SYNJ2: variants seen among roughly 807,000 people sequenced by gnomAD.
The protein encoded by SYNJ2 is synaptojanin 2, also known as polyphosphatidylinositol phosphatase SYNJ2.
SYNJ2 carries 116 observed loss-of-function variants against 141.3 expected under a neutral mutation model. The observed-to-expected ratio is 0.82, with a 90% confidence interval of 0.71 to 0.96. The LOEUF is 0.96. Ranked by LOEUF, SYNJ2 falls within the 40% of genes least tolerant of loss-of-function variation. The probability of loss-of-function intolerance (pLI) is 0.00; values close to 1 mark genes in which losing one functional copy is unlikely to be tolerated. For synonymous variants in SYNJ2, 745 were observed against 777.7 expected, an observed-to-expected ratio of 0.96 and a Z score of 0.70; for missense variants, 1,873 against 1,934.8, an observed-to-expected ratio of 0.97 and a Z score of 0.60.
At chr6:158,061,669 C>A (rs1781228037) in intron 7 of SYNJ2, among the ~76,000 whole-genome samples, 1 of 139,020 alleles carries the variant, frequency 7.2e-6, no homozygotes, top group Non-Finnish European at 1.6e-5. Context: ...ACAGAGCAGT[C>A]CTTCCTCACC....
chr6:158,007,921 T>C (rs548240151), intron 1 of SYNJ2, among the ~76,000 whole-genome samples: 97 of 152,322 alleles, frequency 6.4e-4, no homozygotes, highest in South Asian at 1.2e-3. Flanking sequence ...CCCAAATAGC[T>C]GGGACCACAG....
rs1053333798 is a variant in SYNJ2 at position 157,995,424 on chromosome 6, C to T, written c.127+13336C>T. ...TGAAACTCCAGTTCCATCACATCCA[C>T]TCTGCTGGGCCCTCCTAGGGCAGCT... On this transcript the variant is annotated intron_variant, in intron 1 of 26. Coordinates refer to ENST00000355585, the MANE Select transcript of SYNJ2 (RefSeq NM_003898.4). Among the ~76,000 whole-genome samples the T allele has an allele frequency of 2.6e-5, 4 of 152,236 alleles. No homozygotes were observed. The East Asian group carries it at 5.8e-4, about 22-fold the overall frequency.
At chr6:158,022,933 C>A (rs1162929629) in intron 2 of SYNJ2, among the ~76,000 whole-genome samples, 5 of 152,162 alleles carry the variant, frequency 3.3e-5, no homozygotes, top group African/African-American at 1.2e-4. Flanking sequence ...GTGCTAGGCT[C>A]AAGCCAGGAC....
chr6:158,061,965 C>T, intron 7 of SYNJ2, 27 bp from the exon 8 acceptor site: 1 of 1,609,362 alleles, frequency 6.2e-7, no homozygotes, highest in Middle Eastern at 1.8e-4. Flanking sequence ...CTCTGCTCCC[C>T]TCACCGCCCT....
At chr6:158,019,398 C>A (rs1778639917) in intron 2 of SYNJ2, among the ~76,000 whole-genome samples, 1 of 152,240 alleles carries the variant, frequency 6.6e-6, no homozygotes. Flanking sequence ...TTCCCCCATC[C>A]CAGGGGAAAA....
intron 3 of SYNJ2, among the ~76,000 whole-genome samples, chr6:158,030,223 A>G (rs932416117): frequency 3.9e-5 from 6 of 152,256 alleles, no homozygotes; most frequent in Non-Finnish European, 2.9e-5. Context: ...ACTGATGCCT[A>G]GAGATGCCAG....
At position 158,071,884 on chromosome 6, in the gene SYNJ2, ACCACAGGGAGGG is replaced by A; in HGVS notation, c.2133+93_2133+104del. 7.0e-7 allele frequency: 1 copy of A among 1,436,882 alleles called. No individual in the cohort carries two copies. The highest frequency in any genetic ancestry group is 9.4e-7 in the Non-Finnish European group (1 of 1,065,848). 89.0% of individuals were successfully genotyped at this position (1,436,882 alleles called of 1,614,324 possible). A position where few individuals can be genotyped will look rare whatever the true frequency, so the allele number is the denominator to read the frequency against. On this transcript the variant is annotated intron_variant, in intron 15 of 26. Transcript: ENST00000355585. The surrounding 1 kb of genome is among the most constrained non-coding windows in gnomAD (Gnocchi z 4.3). Reference sequence around the variant, plus strand: ...ATAGGAGCCAGGCACTGGGGACACAACCACAGGGAGGGCCCCTTCCTGGAGGGCTCAGCGCTG... The same window carrying A: ...ATAGGAGCCAGGCACTGGGGACACAACCCCTTCCTGGAGGGCTCAGCGCTG...
At chr6:158,037,510 T>C (rs1779704041) in intron 4 of SYNJ2, among the ~76,000 whole-genome samples, 1 of 149,784 alleles carries the variant, frequency 6.7e-6, no homozygotes, top group Non-Finnish European at 1.5e-5. Flanking sequence ...CACACCATTC[T>C]CCTGCCTCAG....
chr6:158,049,582 G>A (rs894741451), intron 5 of SYNJ2, among the ~76,000 whole-genome samples: 1 of 152,194 alleles, frequency 6.6e-6, no homozygotes, highest in Non-Finnish European at 1.5e-5. Context: ...AGGGAGAGGC[G>A]GTTAGACAAG....
intron 7 of SYNJ2, 127 bp from the exon 8 acceptor site, chr6:158,061,865 T>C (rs964725739): frequency 1.2e-5 from 12 of 962,454 alleles, no homozygotes; most frequent in African/African-American, 4.9e-5. Flanking sequence ...ACTGTGAGCT[T>C]CCAGCTAAAG....
chr6:158,078,099 T>C lies in SYNJ2; in HGVS notation c.2450-65T>C, dbSNP rs933483408. On this transcript the variant is annotated intron_variant, in intron 17 of 26. Coordinates refer to ENST00000355585, the MANE Select transcript of SYNJ2 (RefSeq NM_003898.4). ...GCAGACCTCTATTGTGGAAGTGTCA[T>C]GATCGCATTCTTGGATATTGACTCG... 53 of 1,065,116 alleles carry C rather than the reference T, an allele frequency of 5.0e-5. No individual in the cohort carries two copies. The Middle Eastern group carries it at 6.2e-4, about 12-fold the overall frequency. The allele number at this position is 1,065,116 out of a possible 1,614,324, so 66.0% of individuals were successfully genotyped here.
At chr6:158,010,272 ATT>A in intron 1 of SYNJ2, among the ~76,000 whole-genome samples, 1 of 152,212 alleles carries the variant, frequency 6.6e-6, no homozygotes, top group South Asian at 2.1e-4. Flanking sequence ...TGTCACCCCC[ATT>A]TTGGAAAGCA....
At position 158,069,780 on chromosome 6, in the gene SYNJ2, C is replaced by T. The variant is rs978358321; in HGVS notation, c.1940+107C>T. ...CCCCATCCCCTTCTGTAACAGGAAT[C>T]GGGACTTACCATTATTTTAGATAAA... On this transcript the variant is annotated intron_variant, in intron 14 of 26. Transcript: ENST00000355585. 8.3e-6 allele frequency: 11 copies of T among 1,319,072 alleles called. No homozygotes were observed. In the African/African-American group the frequency reaches 1.0e-4, roughly 12 times the overall value. 81.7% of individuals were successfully genotyped at this position (1,319,072 alleles called of 1,614,324 possible). A position where few individuals can be genotyped will look rare whatever the true frequency, so the allele number is the denominator to read the frequency against.
intron 17 of SYNJ2, chr6:158,077,650 T>TAAAAAAAAAAAAAAA (rs56028079): frequency 2.3e-5 from 3 of 128,208 alleles, no homozygotes; most frequent in African/African-American, 8.6e-5. Context: ...AACTAGTACA[T>TAAAAAAAAAAAAAAA]AAAAAAAAAA....
intron 1 of SYNJ2, among the ~76,000 whole-genome samples, chr6:158,002,724 C>T (rs1310948582): frequency 1.3e-5 from 2 of 152,146 alleles, no homozygotes; most frequent in Non-Finnish European, 2.9e-5. Flanking sequence ...CTTTCTTGTT[C>T]CCTGTTGGGT....
rs1364313060 is a variant in SYNJ2, at chr6:158,087,105, G to T, written c.3343+116G>T. 4.9e-6 allele frequency: 6 copies of T among 1,224,138 alleles called. No individual in the cohort carries two copies. In the African/African-American group the frequency reaches 7.6e-5, roughly 16 times the overall value. 75.8% of individuals were successfully genotyped at this position (1,224,138 alleles called of 1,614,324 possible). ...CTCCCCGGCCTTCCGGTCCCCACAG[G>T]GCTTCCTCCTCCTTGGGCTCCGTTT... On this transcript the variant is annotated intron_variant, in intron 23 of 26. Transcript: ENST00000355585.
At chr6:158,091,498 C>T (rs1289799477) in intron 25 of SYNJ2, among the ~76,000 whole-genome samples, 2 of 151,272 alleles carry the variant, frequency 1.3e-5, no homozygotes, top group Admixed American at 1.3e-4. Flanking sequence ...CCTGTAATCC[C>T]AGCGCTTTGG....
At chr6:158,083,889 C>G in intron 21 of SYNJ2, 112 bp from the exon 22 acceptor site, 1 of 1,281,546 alleles carries the variant, frequency 7.8e-7, no homozygotes, top group East Asian at 2.3e-5. Flanking sequence ...CCCTGAGCTG[C>G]AGGGCAGGGT....
At chr6:158,009,637 C>T (rs1267790486) in intron 1 of SYNJ2, among the ~76,000 whole-genome samples, 1 of 152,156 alleles carries the variant, frequency 6.6e-6, no homozygotes, top group African/African-American at 2.4e-5. Flanking sequence ...GGAAATGCAA[C>T]TAAAAGCGTG....
Sources: gnomAD v4.1 joint callset for allele counts (sites outside exome capture counted in the v4.1 genomes callset) on GRCh38, gnomAD v4.1.1 for gene constraint, Gnocchi (gnomAD v3.1) non-coding constraint, MANE v1.5 for transcripts, NCBI Gene and HGNC (gene_info 2026-07-23, HGNC 2026-07-21) for gene names.